AVPR1A: variants seen among roughly 807,000 people sequenced by gnomAD.
The protein encoded by AVPR1A is arginine vasopressin receptor 1A.
AVPR1A carries 31 observed loss-of-function variants against 31.5 expected under a neutral mutation model. The observed-to-expected ratio is 0.99, with a 90% CI of 0.74 to 1.33. The LOEUF is 1.33. Ranked by LOEUF, AVPR1A falls within the 40% of genes most tolerant of loss-of-function variation. The pLI is 0.00. For missense variants in AVPR1A, 570 were observed against 575.2 expected, an observed-to-expected ratio of 0.99 and a Z score of 0.09; for synonymous variants, 243 against 233.2, an observed-to-expected ratio of 1.04 and a Z score of -0.38.
rs1436163315 is a variant in AVPR1A, at chr12:63,149,794, TCTCTCA to T, written c.970+67_970+72del. ...TTTTCTCTCTCTCTCTCTCTCTCTC[TCTCTCA>T]CACACACACACACACACACACACAC... is the stretch of plus-strand genomic sequence containing the variant. On this transcript the variant is annotated intron_variant, in intron 1 of 1. Coordinates refer to ENST00000299178, the MANE Select transcript of AVPR1A (RefSeq NM_000706.5). The T allele has an allele frequency of 9.8e-3, 13,002 of 1,326,888 alleles. 32 individuals carry two copies. Among genetic ancestry groups the T allele is most frequent in the Middle Eastern group, 0.024 (118 of 4,848 alleles). The allele number at this position is 1,326,888 out of a possible 1,614,324, so 82.2% of individuals were successfully genotyped here. A position where few individuals can be genotyped will look rare whatever the true frequency, so the allele number is the denominator to read the frequency against.
rs1565879383 is a variant in AVPR1A at position 63,151,008 on chromosome 12, C to G, written c.-172G>C. 9.3e-6 allele frequency: 9 copies of G among 971,192 alleles called. No homozygotes were observed. The highest frequency in any genetic ancestry group is 8.8e-5 in the Admixed American group (3 of 34,086). 60.2% of individuals were successfully genotyped at this position (971,192 alleles called of 1,614,324 possible). The stretch of plus-strand genomic sequence containing the variant: ...GTGGGCGTCTCCCGGAGCAGCGTCC[C>G]GCCTGCCCACTGAGCAGCTCTCAGC... On this transcript the variant is annotated 5_prime_UTR_variant, in exon 1 of 2. Coordinates refer to ENST00000299178, the MANE Select transcript of AVPR1A (RefSeq NM_000706.5).
chr12:63,150,651 G>C lies in AVPR1A; in HGVS notation c.186C>G (p.Phe62Leu), dbSNP rs200628977. Reference protein sequence around the residue: ...KLEIAVLAVTFAVAVLGNSSV... With the variant: ...KLEIAVLAVTLAVAVLGNSSV... ...TGCTGTTGCCCAGCACGGCCACCGCGAAAGTCACCGCCAGCACGGCGATCT... is the reference window on the plus strand; with the variant it reads ...TGCTGTTGCCCAGCACGGCCACCGCCAAAGTCACCGCCAGCACGGCGATCT... The change falls in exon 1 of 2, where the codon TTC becomes TTG. Residue 62 changes from phenylalanine (F) to leucine (L), a missense_variant. Phe to Leu is a conservative substitution (Grantham distance 22). Coordinates refer to ENST00000299178, the MANE Select transcript of AVPR1A (RefSeq NM_000706.5). This position sits in a 1 kb window ranked among gnomAD's most constrained non-coding sequence, Gnocchi z 4.9. 22 of 1,609,106 alleles carry C rather than the reference G, an allele frequency of 1.4e-5. No individual in the cohort carries two copies. Among genetic ancestry groups the C allele is most frequent in the East Asian group, 2.2e-5 (1 of 44,860 alleles).
chr12:63,149,765 A>AT lies in AVPR1A; in HGVS notation c.970+101dup, dbSNP rs143430583. On this transcript the variant is annotated intron_variant, in intron 1 of 1. Transcript: ENST00000299178. ...CTATGAAGAAAATTGCTAGATTCTC[A>AT]TTTTTTTCTCTCTCTCTCTCTCTCT... is the stretch of plus-strand genomic sequence containing the variant. The AT allele has an allele frequency of 2.4e-3, 2,965 of 1,227,088 alleles. 28 individuals are homozygous for AT. The African/African-American group carries it at 0.05, about 21-fold the overall frequency. The allele number at this position is 1,227,088 out of a possible 1,614,324, so 76.0% of individuals were successfully genotyped here.
In AVPR1A at chr12:63,146,320, C is replaced by T. The variant is rs1407861546; in HGVS notation, c.*1039G>A. Reference sequence around the variant, plus strand: ...CCCATGTCCCAACCCTGTCTCATCTCTGCTTTGCAATTGTTAGATGAGTGA... The same window carrying T: ...CCCATGTCCCAACCCTGTCTCATCTTTGCTTTGCAATTGTTAGATGAGTGA... On this transcript the variant is annotated 3_prime_UTR_variant, in exon 2 of 2. Coordinates refer to ENST00000299178, the MANE Select transcript of AVPR1A (RefSeq NM_000706.5). 2 of 152,336 alleles carry T rather than the reference C, an allele frequency of 1.3e-5. No individual in the cohort carries two copies. The highest frequency in any genetic ancestry group is 2.9e-5 in the Non-Finnish European group (2 of 68,030). The allele number at this position is 152,336 out of a possible 1,614,324, so 9.4% of individuals were successfully genotyped here. A position where few individuals can be genotyped will look rare whatever the true frequency, so the allele number is the denominator to read the frequency against.
Position 63,150,474 on chromosome 12 carries a change from G to C in AVPR1A, c.363C>G (p.Asp121Glu), listed in dbSNP as rs753214363. ...WDITYRFRGP[D>E]WLCRVVKHLQ... ...GGTGCTTCACCACGCGGCACAGCCA[G>C]TCGGGGCCGCGGAAGCGGTAGGTGA... The change falls in exon 1 of 2, where the codon GAC becomes GAG. Residue 121 changes from aspartate (D) to glutamate (E), a missense_variant. Coordinates refer to ENST00000299178, the MANE Select transcript of AVPR1A (RefSeq NM_000706.5). This position sits in a 1 kb window ranked among gnomAD's most constrained non-coding sequence, Gnocchi z 4.9. The C allele has an allele frequency of 6.2e-7, 1 of 1,613,522 alleles. No homozygotes were observed. The highest frequency in any genetic ancestry group is 1.1e-5 in the South Asian group (1 of 91,062).
In AVPR1A at chr12:63,149,876, C is replaced by T. The variant is rs748353963; in HGVS notation, c.961G>A (p.Val321Ile). The T allele has an allele frequency of 6.8e-6, 11 of 1,613,110 alleles. No homozygotes were observed. Among genetic ancestry groups the T allele is most frequent in the African/African-American group, 6.7e-5 (5 of 74,754 alleles). Residue 321 changes from valine to isoleucine, a missense_variant, in exon 1 of 2, where the codon GTC (valine) becomes ATC (isoleucine). Physicochemically the swap from Val to Ile is conservative, Grantham distance 29 (BLOSUM62 3). Coordinates refer to ENST00000299178, the MANE Select transcript of AVPR1A (RefSeq NM_000706.5). ...TTTTCCCGGCACGTACCGGTCCAGA[C>T]GGACATGGGATCCCAGACAGACCAC... Reference protein sequence around the residue: ...QMWSVWDPMSVWTESENPTIT... With the variant: ...QMWSVWDPMSIWTESENPTIT...
Position 63,149,767 on chromosome 12 carries a change from TTTTTTC to T in AVPR1A, c.970+94_970+99del, listed in dbSNP as rs1446393686. On this transcript the variant is annotated intron_variant, in intron 1 of 1. Coordinates refer to ENST00000299178, the MANE Select transcript of AVPR1A (RefSeq NM_000706.5). ...ATGAAGAAAATTGCTAGATTCTCATTTTTTTCTCTCTCTCTCTCTCTCTCTCTCTCT... is the reference window on the plus strand; with the variant it reads ...ATGAAGAAAATTGCTAGATTCTCATTTCTCTCTCTCTCTCTCTCTCTCTCT... The T allele has an allele frequency of 2.7e-4, 305 of 1,140,784 alleles. No homozygotes were observed. In the East Asian group the frequency reaches 5.5e-3, roughly 21 times the overall value. 70.7% of individuals were successfully genotyped at this position (1,140,784 alleles called of 1,614,324 possible).
Position 63,149,862 on chromosome 12 carries a change from C to T in AVPR1A, c.970+5G>A, listed in dbSNP as rs751558901. The T allele has an allele frequency of 4.3e-6, 7 of 1,611,006 alleles. No individual in the cohort carries two copies. The highest frequency in any genetic ancestry group is 2.7e-5 in the African/African-American group (2 of 74,342). ...TGCACTTTCCTCTATTTTCCCGGCA[C>T]GTACCGGTCCAGACGGACATGGGAT... On this transcript the variant is annotated splice_donor_5th_base_variant and intron_variant, in intron 1 of 1. Coordinates refer to ENST00000299178, the MANE Select transcript of AVPR1A (RefSeq NM_000706.5).
rs773976713 is a variant in AVPR1A at position 63,150,083 on chromosome 12, C to T, written c.754G>A (p.Ala252Thr). 2 of 1,614,126 alleles carry T rather than the reference C, an allele frequency of 1.2e-6. No individual in the cohort carries two copies. Among genetic ancestry groups the T allele is most frequent in the South Asian group, 1.1e-5 (1 of 91,082 alleles). ...TCTGCACCCTTGCTCTGGCGCGACGCCGTCTTCCCGCGGACGTTGCACCAG... is the reference window on the plus strand; with the variant it reads ...TCTGCACCCTTGCTCTGGCGCGACGTCGTCTTCCCGCGGACGTTGCACCAG... ...NIWCNVRGKTASRQSKGAEQA... is the reference protein window; with the variant it reads ...NIWCNVRGKTTSRQSKGAEQA... Residue 252 changes from alanine to threonine, a missense_variant, in exon 1 of 2, where the codon GCG becomes ACG. Coordinates refer to ENST00000299178, the MANE Select transcript of AVPR1A (RefSeq NM_000706.5). This position sits in a 1 kb window ranked among gnomAD's most constrained non-coding sequence, Gnocchi z 4.9.
In AVPR1A at chr12:63,150,748, C is replaced by G. The variant is rs569407663; in HGVS notation, c.89G>C (p.Arg30Pro). ...PLATGAGNTS[R>P]EAEALGEGNG... Reference sequence around the variant, plus strand: ...GCCCTCCCCGAGGGCTTCGGCCTCCCGGCTTGTGTTGCCAGCGCCGGTGGC... The same window carrying G: ...GCCCTCCCCGAGGGCTTCGGCCTCCGGGCTTGTGTTGCCAGCGCCGGTGGC... The change falls in exon 1 of 2, where the codon CGG becomes CCG. Residue 30 changes from arginine (R) to proline (P), a missense_variant. Coordinates refer to ENST00000299178, the MANE Select transcript of AVPR1A (RefSeq NM_000706.5). The surrounding 1 kb of genome is among the most constrained non-coding windows in gnomAD (Gnocchi z 4.9). 2 of 1,600,980 alleles carry G rather than the reference C, an allele frequency of 1.2e-6. No homozygotes were observed. Among genetic ancestry groups the G allele is most frequent in the Admixed American group, 1.7e-5 (1 of 59,972 alleles).
In AVPR1A at chr12:63,151,198, G is replaced by T; in HGVS notation, c.-362C>A. ...CCCGCCCTATTGCCGGAAGACTGCT[G>T]GTTGCCTACTCCCCGCTCCCTGGAG... On this transcript the variant is annotated 5_prime_UTR_variant, in exon 1 of 2. Transcript: ENST00000299178. 4.3e-6 allele frequency: 1 copy of T among 232,474 alleles called. No individual in the cohort carries two copies. The highest frequency in any genetic ancestry group is 8.4e-6 in the Non-Finnish European group (1 of 118,980). 14.4% of individuals were successfully genotyped at this position (232,474 alleles called of 1,614,324 possible).
At chr12:63,147,751 A>G in intron 1 of AVPR1A, 106 bp from the exon 2 acceptor site, 2 of 1,229,784 alleles carry the variant, frequency 1.6e-6, no homozygotes, top group South Asian at 3.2e-5. Context: ...ATTATCATAG[A>G]AAATGAACTA....
rs1257388083 is a variant in AVPR1A, at chr12:63,144,394, C to G, written c.*2965G>C. The G allele has an allele frequency of 1.3e-5, 2 of 152,130 alleles. No individual in the cohort carries two copies. The highest frequency in any genetic ancestry group is 2.9e-5 in the Non-Finnish European group (2 of 68,026). 9.4% of individuals were successfully genotyped at this position (152,130 alleles called of 1,614,324 possible). The stretch of plus-strand genomic sequence containing the variant: ...AAATGCCCAACTGATTAGTTTCTCC[C>G]TACTGGACATTTTTTATATATCACA... On this transcript the variant is annotated 3_prime_UTR_variant, in exon 2 of 2. Coordinates refer to ENST00000299178, the MANE Select transcript of AVPR1A (RefSeq NM_000706.5).
At chr12:63,149,024 G>A (rs1426295557) in intron 1 of AVPR1A, among the ~76,000 whole-genome samples, 1 of 152,130 alleles carries the variant, frequency 6.6e-6, no homozygotes, top group African/African-American at 2.4e-5. Context: ...GCAAGTCACT[G>A]TGAAGTTAGT....
At position 63,147,483 on chromosome 12, in the gene AVPR1A, G is replaced by A. The variant is rs1868375666; in HGVS notation, c.1133C>T (p.Thr378Ile). ...AGTCTGTCTTCTGCTCATACTGTCA[G>A]TATCTTCTTTGTTGAATTTTTCCTT... ...NMKEKFNKED[T>I]DSMSRRQTFY... Residue 378 changes from threonine to isoleucine, a missense_variant, in exon 2 of 2, where the codon ACT (threonine) becomes ATT (isoleucine). Physicochemically the swap from Thr to Ile is moderately conservative, Grantham distance 89. Coordinates refer to ENST00000299178, the MANE Select transcript of AVPR1A (RefSeq NM_000706.5). 6.2e-7 allele frequency: 1 copy of A among 1,613,986 alleles called. No homozygotes were observed. Among genetic ancestry groups the A allele is most frequent in the Non-Finnish European group, 8.5e-7 (1 of 1,180,008 alleles).
In AVPR1A at chr12:63,150,534, T is replaced by C. The variant is rs749096878; in HGVS notation, c.303A>G (p.Ala101=). ...RHLSLADLAV[A]FFQVLPQMCW... ...ACATTTGCGGCAGCACCTGGAAGAA[T>C]GCCACGGCCAGGTCGGCCAGGCTGA... is the stretch of plus-strand genomic sequence containing the variant. The change falls in exon 1 of 2, where the codon GCA becomes GCG. Residue 101 remains alanine, a synonymous_variant. Transcript: ENST00000299178. This position sits in a 1 kb window ranked among gnomAD's most constrained non-coding sequence, Gnocchi z 4.9. 13 of 1,613,148 alleles carry C rather than the reference T, an allele frequency of 8.1e-6. No individual in the cohort carries two copies. The highest frequency in any genetic ancestry group is 9.3e-6 in the Non-Finnish European group (11 of 1,179,838).
chr12:63,150,709 C>G lies in AVPR1A; in HGVS notation c.128G>C (p.Arg43Thr), dbSNP rs375748105. 2 of 1,605,658 alleles carry G rather than the reference C, an allele frequency of 1.2e-6. No individual in the cohort carries two copies. The highest frequency in any genetic ancestry group is 1.3e-5 in the African/African-American group (1 of 74,940). Reference protein sequence around the residue: ...EALGEGNGPPRDVRNEELAKL... With the variant: ...EALGEGNGPPTDVRNEELAKL... ...GGCCAGCTCCTCGTTGCGCACGTCC[C>G]TCGGTGGGCCGTTGCCCTCCCCGAG... Residue 43 changes from arginine to threonine, a missense_variant, in exon 1 of 2, where the codon AGG becomes ACG. Transcript: ENST00000299178. The surrounding 1 kb of genome is among the most constrained non-coding windows in gnomAD (Gnocchi z 4.9).
Position 63,150,276 on chromosome 12 carries a change from G to A in AVPR1A, c.561C>T (p.Phe187=). ...LSFVLSTPQY[F]VFSMIEVNNV... Reference sequence around the variant, plus strand: ...TGTTCACCTCGATCATGGAGAAGACGAAGTACTGCGGCGTGCTCAGCACGA... The same window carrying A: ...TGTTCACCTCGATCATGGAGAAGACAAAGTACTGCGGCGTGCTCAGCACGA... Residue 187 remains phenylalanine (F), a synonymous_variant, in exon 1 of 2, where the codon TTC becomes TTT. Coordinates refer to ENST00000299178, the MANE Select transcript of AVPR1A (RefSeq NM_000706.5). The surrounding 1 kb of genome is among the most constrained non-coding windows in gnomAD (Gnocchi z 4.9). 6.2e-7 allele frequency: 1 copy of A among 1,613,932 alleles called. No homozygotes were observed. Among genetic ancestry groups the A allele is most frequent in the South Asian group, 1.1e-5 (1 of 91,084 alleles).
rs976250964 is a variant in AVPR1A at position 63,150,315 on chromosome 12, G to C, written c.522C>G (p.Ala174=). ...ARRSRLMIAA[A]WVLSFVLSTP... is the part of the protein sequence containing the mutation. Reference sequence around the variant, plus strand: ...TGCTCAGCACGAAGCTCAGCACCCAGGCGGCCGCGATCATGAGGCGCGAGC... The same window carrying C: ...TGCTCAGCACGAAGCTCAGCACCCACGCGGCCGCGATCATGAGGCGCGAGC... Residue 174 remains alanine, a synonymous_variant, in exon 1 of 2, where the codon GCC becomes GCG. Transcript: ENST00000299178. This position sits in a 1 kb window ranked among gnomAD's most constrained non-coding sequence, Gnocchi z 4.9. 6.2e-7 allele frequency: 1 copy of C among 1,613,838 alleles called. No individual in the cohort carries two copies. Among genetic ancestry groups the C allele is most frequent in the Non-Finnish European group, 8.5e-7 (1 of 1,180,040 alleles).
Sources: gnomAD v4.1 joint callset for allele counts (sites outside exome capture counted in the v4.1 genomes callset) on GRCh38, gnomAD v4.1.1 for gene constraint, Gnocchi (gnomAD v3.1) non-coding constraint, MANE v1.5 for transcripts, NCBI Gene and HGNC (gene_info 2026-07-23, HGNC 2026-07-21) for gene names.